Variants in NALCN observed in about 807,000 individuals in gnomAD.
NALCN encodes the protein sodium leak channel, non-selective.
In NALCN, 111 loss-of-function variants were observed where a neutral mutation model predicts 225.3. The observed-to-expected ratio is 0.49, with a 90% CI of 0.42 to 0.58. NALCN has a LOEUF of 0.58. NALCN is among the 20% of genes least tolerant of loss of function. NALCN has a pLI of 0.00. For synonymous variants in NALCN, 764 were observed against 769.0 expected, an observed-to-expected ratio of 0.99 and a Z score of 0.11; for missense variants, 1,378 against 2,202.4, an observed-to-expected ratio of 0.63 and a Z score of 7.49.
intron 13 of NALCN, among the ~76,000 whole-genome samples, chr13:101,212,982 T>A (rs2040584573): frequency 1.3e-5 from 2 of 152,286 alleles, no homozygotes; most frequent in Admixed American, 1.3e-4. Context: ...AGAGCCCGCA[T>A]TGCCAAGACA....
chr13:101,365,473 C>G (rs1475525029), intron 6 of NALCN, among the ~76,000 whole-genome samples: 2 of 151,714 alleles, frequency 1.3e-5, no homozygotes, highest in African/African-American at 4.8e-5. Context: ...TGCCAAGTAC[C>G]CTAAAGAATA....
At chr13:101,066,055 T>G (rs1001297244) in intron 39 of NALCN, among the ~76,000 whole-genome samples, 1 of 152,146 alleles carries the variant, frequency 6.6e-6, no homozygotes, top group African/African-American at 2.4e-5. Flanking sequence ...ATAACTCGTG[T>G]TGGATCATGC....
chr13:101,191,786 C>G (rs2039690909), intron 14 of NALCN, 131 bp downstream of exon 14: 1 of 809,600 alleles, frequency 1.2e-6, no homozygotes, highest in Admixed American at 3.5e-5. Context: ...AAGGAGGGAT[C>G]TCATCCAACC....
At chr13:101,068,127 A>T in intron 38 of NALCN, 94 bp from the exon 39 acceptor site, 1 of 782,788 alleles carries the variant, frequency 1.3e-6, no homozygotes, top group South Asian at 1.9e-5. Context: ...AATGGATTCT[A>T]TCACCTATAT....
At chr13:101,264,875 T>G (rs536389050) in intron 10 of NALCN, among the ~76,000 whole-genome samples, 1 of 152,134 alleles carries the variant, frequency 6.6e-6, no homozygotes, top group African/African-American at 2.4e-5. Flanking sequence ...AACAAAAGCA[T>G]GTGTTAGTTT....
chr13:101,110,396 A>G (rs1031773283), intron 20 of NALCN, among the ~76,000 whole-genome samples: 1 of 152,170 alleles, frequency 6.6e-6, no homozygotes, highest in Non-Finnish European at 1.5e-5. Flanking sequence ...ATTTTAACTA[A>G]GACATGTGCT....
intron 11 of NALCN, among the ~76,000 whole-genome samples, chr13:101,240,330 T>A (rs1280313361): frequency 6.6e-6 from 1 of 151,928 alleles, no homozygotes; most frequent in African/African-American, 2.4e-5. Flanking sequence ...CTAAATATCC[T>A]ATCTTTCTTT....
intron 7 of NALCN, among the ~76,000 whole-genome samples, chr13:101,343,716 A>G (rs1220643230): frequency 2.6e-5 from 4 of 152,202 alleles, no homozygotes; most frequent in African/African-American, 9.6e-5. Context: ...ATTTCCTCCT[A>G]GAACTGGTCC....
At chr13:101,114,239 A>G (rs2035587797) in intron 18 of NALCN, among the ~76,000 whole-genome samples, 1 of 152,190 alleles carries the variant, frequency 6.6e-6, no homozygotes. Flanking sequence ...CCCATATGTA[A>G]AATGCAGAGA....
intron 17 of NALCN, among the ~76,000 whole-genome samples, chr13:101,137,611 T>C (rs1171759470): frequency 6.6e-6 from 1 of 152,174 alleles, no homozygotes; most frequent in Admixed American, 6.6e-5. Context: ...ACAATAGGGA[T>C]AGCAACTAAA....
chr13:101,182,427 G>C (rs1488464333), intron 14 of NALCN, among the ~76,000 whole-genome samples: 1 of 152,206 alleles, frequency 6.6e-6, no homozygotes, highest in African/African-American at 2.4e-5. Context: ...AACTCTTGGG[G>C]AGGCAACAAA....
chr13:101,101,271 A>ATTTT (rs1333492865), intron 26 of NALCN, among the ~76,000 whole-genome samples: 10 of 116,920 alleles, frequency 8.6e-5, no homozygotes, highest in South Asian at 2.9e-4. Flanking sequence ...ATATATATTT[A>ATTTT]TTTTTTTTTC....
chr13:101,360,508 C>T (rs539474615), intron 6 of NALCN, among the ~76,000 whole-genome samples: 17 of 152,120 alleles, frequency 1.1e-4, no homozygotes, highest in Non-Finnish European at 1.2e-4. Context: ...GCTGGGATTA[C>T]AGGCATGAGC....
chr13:101,142,931 G>A (rs779123191), intron 17 of NALCN, 149 bp downstream of exon 17: 20 of 1,150,728 alleles, frequency 1.7e-5, no homozygotes, highest in Middle Eastern at 4.0e-4. Flanking sequence ...AAAAATGTTA[G>A]GTTTCATGAT....
intron 7 of NALCN, among the ~76,000 whole-genome samples, chr13:101,329,477 A>G (rs1295877625): frequency 6.6e-6 from 1 of 152,102 alleles, no homozygotes; most frequent in East Asian, 1.9e-4. Flanking sequence ...TTTTGTCTTT[A>G]CACAAATTGA....
At chr13:101,107,215 C>T (rs761173300) in intron 22 of NALCN, among the ~76,000 whole-genome samples, 3 of 152,126 alleles carry the variant, frequency 2.0e-5, no homozygotes, top group African/African-American at 7.2e-5. Context: ...TTAATAATGC[C>T]GATATAAGTG....
intron 15 of NALCN, among the ~76,000 whole-genome samples, chr13:101,145,869 G>A (rs1221996003): frequency 6.6e-6 from 1 of 152,074 alleles, no homozygotes; most frequent in African/African-American, 2.4e-5. Context: ...GGAGGGATTT[G>A]GGGGGTGGGT....
chr13:101,058,199 A>G (rs1189066649), intron 42 of NALCN, 143 bp from the exon 43 acceptor site: 1 of 658,226 alleles, frequency 1.5e-6, no homozygotes, highest in Non-Finnish European at 2.6e-6. Context: ...GGAAAAGTGA[A>G]AATGGGTATA....
chr13:101,268,790 T>C (rs1303600529), intron 10 of NALCN, among the ~76,000 whole-genome samples: 3 of 152,170 alleles, frequency 2.0e-5, no homozygotes, highest in Non-Finnish European at 1.5e-5. Context: ...ACATGGGAAA[T>C]TTTCTTTATG....
Sources: gnomAD v4.1 joint callset for allele counts (sites outside exome capture counted in the v4.1 genomes callset) on GRCh38, gnomAD v4.1.1 for gene constraint, MANE v1.5 for transcripts, NCBI Gene and HGNC (gene_info 2026-07-23, HGNC 2026-07-21) for gene names.